Variants in TAS2R1 observed in about 807,000 individuals in gnomAD.
TAS2R1 encodes the protein taste receptor type 2 member 1.
For missense variants in TAS2R1, 370 were observed against 353.4 expected (o/e 1.05, Z -0.38); for synonymous variants, 141 against 134.2 (o/e 1.05, Z -0.35).
the TAS2R1 span, among the ~76,000 whole-genome samples, chr5:9,777,336 A>T: frequency 3.2e-3 from 487 of 152,370 alleles, 4 homozygotes; most frequent in African/African-American, 0.011. Flanking sequence ...TTGTTTCAAT[A>T]ATAGTCACAG....
the TAS2R1 span, among the ~76,000 whole-genome samples, chr5:9,802,677 C>T: frequency 2.6e-5 from 4 of 152,192 alleles, no homozygotes; most frequent in African/African-American, 4.8e-5. Context: ...CCAAGGCAGG[C>T]GGATCACAAG....
At chr5:9,790,819 GT>G in the TAS2R1 span, among the ~76,000 whole-genome samples, 1 of 152,004 alleles carries the variant, frequency 6.6e-6, no homozygotes, top group Non-Finnish European at 1.5e-5. Flanking sequence ...TTTTAGTAGA[GT>G]TTTTTAGTGG....
intron 2 of TAS2R1, among the ~76,000 whole-genome samples, chr5:9,655,791 C>T (rs932867802): frequency 6.6e-5 from 10 of 151,344 alleles, no homozygotes; most frequent in African/African-American, 1.9e-4. Flanking sequence ...CAAGGAAATA[C>T]AAATTAAAAC....
chr5:9,825,018 T>G, the TAS2R1 span, among the ~76,000 whole-genome samples: 4 of 152,206 alleles, frequency 2.6e-5, no homozygotes, highest in Non-Finnish European at 4.4e-5. Context: ...AACTGACTTG[T>G]GCAGTGTTCA....
the TAS2R1 span, among the ~76,000 whole-genome samples, chr5:9,776,757 T>G: frequency 6.6e-6 from 1 of 152,172 alleles, no homozygotes; most frequent in Non-Finnish European, 1.5e-5. Context: ...CACCACATTT[T>G]CCTTCTTACA....
At chr5:9,903,660 G>C in the TAS2R1 span, 1 of 152,260 alleles carries the variant, frequency 6.6e-6, no homozygotes, top group African/African-American at 2.4e-5. Flanking sequence ...TGGTACTGGA[G>C]AATGTCTGCA....
the TAS2R1 span, among the ~76,000 whole-genome samples, chr5:9,836,516 T>A: frequency 0.06 from 9,060 of 152,056 alleles, 634 homozygotes; most frequent in East Asian, 0.23. Flanking sequence ...ACAACCAAAA[T>A]TGTACCCACA....
At chr5:9,644,950 A>G (rs1579765592) in intron 2 of TAS2R1, among the ~76,000 whole-genome samples, 1 of 151,906 alleles carries the variant, frequency 6.6e-6, no homozygotes, top group East Asian at 1.9e-4. Flanking sequence ...CCTCCTTCTA[A>G]GGAAGATTGG....
chr5:9,779,399 A>G, the TAS2R1 span, among the ~76,000 whole-genome samples: 1 of 152,246 alleles, frequency 6.6e-6, no homozygotes, highest in East Asian at 1.9e-4. Context: ...CTTTATAGCA[A>G]CAAAAACAGA....
At chr5:9,864,629 A>C in the TAS2R1 span, among the ~76,000 whole-genome samples, 1 of 146,506 alleles carries the variant, frequency 6.8e-6, no homozygotes. Flanking sequence ...GCTAGACTCC[A>C]CTCAAAAAAA....
intron 1 of TAS2R1, among the ~76,000 whole-genome samples, chr5:9,710,283 G>C (rs1370655500): frequency 6.6e-6 from 1 of 151,446 alleles, no homozygotes; most frequent in Non-Finnish European, 1.5e-5. Flanking sequence ...AACTTATCGA[G>C]TGCCCTCCAC....
the TAS2R1 span, among the ~76,000 whole-genome samples, chr5:9,837,636 C>T: frequency 2.0e-5 from 3 of 152,224 alleles, no homozygotes; most frequent in African/African-American, 4.8e-5. Context: ...CTTCTTGCCT[C>T]CTGCTTTGTT....
chr5:9,805,486 C>T, the TAS2R1 span, among the ~76,000 whole-genome samples: 8 of 151,916 alleles, frequency 5.3e-5, no homozygotes, highest in African/African-American at 1.9e-4. Flanking sequence ...AACATAGATG[C>T]AAAAATTCTC....
At chr5:9,812,024 T>C in the TAS2R1 span, among the ~76,000 whole-genome samples, 1 of 152,224 alleles carries the variant, frequency 6.6e-6, no homozygotes, top group South Asian at 2.1e-4. Context: ...ATTTCAACTG[T>C]CATCTCCTCA....
At chr5:9,672,475 C>A (rs978202646) in intron 1 of TAS2R1, among the ~76,000 whole-genome samples, 1 of 152,020 alleles carries the variant, frequency 6.6e-6, no homozygotes, top group Non-Finnish European at 1.5e-5. Flanking sequence ...TGGGCAAGGA[C>A]ATAAACAGAC....
At chr5:9,830,378 G>A in the TAS2R1 span, among the ~76,000 whole-genome samples, 3 of 151,778 alleles carry the variant, frequency 2.0e-5, no homozygotes, top group African/African-American at 7.3e-5. Flanking sequence ...ATAGGTGGAT[G>A]ATAGGTATAT....
At chr5:9,809,312 T>A in the TAS2R1 span, among the ~76,000 whole-genome samples, 1 of 152,160 alleles carries the variant, frequency 6.6e-6, no homozygotes, top group Non-Finnish European at 1.5e-5. Flanking sequence ...ATGAAGGGAA[T>A]GTTACGGACT....
At chr5:9,750,940 T>C in the TAS2R1 span, among the ~76,000 whole-genome samples, 1 of 151,900 alleles carries the variant, frequency 6.6e-6, no homozygotes, top group African/African-American at 2.4e-5. Context: ...GAGGCAGAGA[T>C]ACCATGTTAT....
the TAS2R1 span, among the ~76,000 whole-genome samples, chr5:9,780,465 G>T: frequency 6.6e-6 from 1 of 152,178 alleles, no homozygotes; most frequent in Non-Finnish European, 1.5e-5. Context: ...CCCACTAATG[G>T]ACATTGCTAA....
Sources: allele counts gnomAD v4.1 joint callset (sites outside exome capture counted in the v4.1 genomes callset), GRCh38; gene constraint gnomAD v4.1.1; transcripts MANE v1.5; gene names NCBI Gene and HGNC (gene_info 2026-07-23, HGNC 2026-07-21).